The following NLRP6 variants were observed in gnomAD, a reference collection of about 807,000 sequenced individuals.
NLRP6 encodes the protein NACHT, LRR and PYD domains-containing protein 6.
In NLRP6, 55 loss-of-function variants were observed where a neutral mutation model predicts 70.9. The ratio of observed to expected loss-of-function variants is 0.78; its 90% CI spans 0.62 to 0.97. The LOEUF (loss-of-function observed/expected upper bound fraction) is 0.97. Ranked by LOEUF, NLRP6 falls within the 50% of genes least tolerant of loss-of-function variation. NLRP6 has a pLI of 0.00. For synonymous variants in NLRP6, 652 were observed against 581.9 expected, an observed-to-expected ratio of 1.12 and a Z score of -1.73; for missense variants, 1,241 against 1,238.3, an observed-to-expected ratio of 1.00 and a Z score of -0.03.
chr11:281,129 G>A lies in NLRP6; in HGVS notation c.1395G>A (p.Leu465=). Residue 465 remains leucine, a synonymous_variant, in exon 4 of 8, where the codon CTG becomes CTA. Coordinates refer to ENST00000534750, the MANE Select transcript of NLRP6 (RefSeq NM_001276700.2). Reference sequence around the variant, plus strand: ...GGGCGCAGTTTGCCGAGAAGGAACTGGAGCAACTGGAGCTTCGTGGCTCCA... The same window carrying A: ...GGGCGCAGTTTGCCGAGAAGGAACTAGAGCAACTGGAGCTTCGTGGCTCCA... ...GRRAQFAEKE[L]EQLELRGSKV... 3 of 1,612,998 alleles carry A rather than the reference G, an allele frequency of 1.9e-6. No individual in the cohort carries two copies. In the South Asian group the frequency reaches 3.3e-5, roughly 18 times the overall value.
intron 5 of NLRP6, among the ~76,000 whole-genome samples, chr11:283,815 C>G (rs1042965054): frequency 2.0e-5 from 3 of 151,652 alleles, no homozygotes; most frequent in Non-Finnish European, 4.4e-5. Context: ...AAAAGGTGAT[C>G]ACATTTGGCC....
Position 278,576 on chromosome 11 carries a change from C to T in NLRP6, c.7C>T (p.Gln3Ter), listed in dbSNP as rs765507848. 1 of 1,590,330 alleles carries T rather than the reference C, an allele frequency of 6.3e-7. No homozygotes were observed. MD[Q>*]PEAPCSSTGP... is the part of the protein sequence containing the mutation. ...CCAGGGAGGAAGAGACCCCATGGAC[C>T]AGCCAGAGGCCCCCTGCTCCAGGTG... The change falls in exon 1 of 8, where the codon CAG becomes TAG. Residue 3 changes from glutamine (Q) to a stop codon, truncating the protein, a stop_gained. Coordinates refer to ENST00000534750, the MANE Select transcript of NLRP6 (RefSeq NM_001276700.2). LOFTEE classifies it high-confidence loss of function. This position sits in a 1 kb window ranked among gnomAD's most constrained non-coding sequence, Gnocchi z 4.7.
Position 280,605 on chromosome 11 carries a change from G to C in NLRP6, c.871G>C (p.Glu291Gln). 6.9e-7 allele frequency: 1 copy of C among 1,446,524 alleles called. No homozygotes were observed. The highest frequency in any genetic ancestry group is 1.4e-5 in the South Asian group (1 of 69,230). The allele number at this position is 1,446,524 out of a possible 1,614,324, so 89.6% of individuals were successfully genotyped here. A position where few individuals can be genotyped will look rare whatever the true frequency, so the allele number is the denominator to read the frequency against. Residue 291 changes from glutamate (E) to glutamine (Q), a missense_variant, in exon 4 of 8, where the codon GAG becomes CAG. Glu to Gln is a conservative substitution (Grantham distance 29). Coordinates refer to ENST00000534750, the MANE Select transcript of NLRP6 (RefSeq NM_001276700.2). ...CGAGCTGCCGGCGCTGGGGGGCCCCGAGGCCGCGCCCTGCACAGACCCCTT... is the reference window on the plus strand; with the variant it reads ...CGAGCTGCCGGCGCTGGGGGGCCCCCAGGCCGCGCCCTGCACAGACCCCTT... ...ADELPALGGP[E>Q]AAPCTDPFEA...
In NLRP6 at chr11:280,509, G is replaced by A; in HGVS notation, c.775G>A (p.Asp259Asn). 1.3e-6 allele frequency: 2 copies of A among 1,574,652 alleles called. No individual in the cohort carries two copies. Among genetic ancestry groups the A allele is most frequent in the Non-Finnish European group, 8.5e-7 (1 of 1,171,250 alleles). Reference protein sequence around the residue: ...LADLILDQCPDRGAPVPQMLA... With the variant: ...LADLILDQCPNRGAPVPQMLA... ...TGACCTGATCCTGGACCAGTGCCCC[G>A]ACCGCGGCGCGCCGGTGCCGCAGAT... Residue 259 changes from aspartate (D) to asparagine (N), a missense_variant, in exon 4 of 8, where the codon GAC becomes AAC. By Grantham distance (23) the Asp-to-Asn change is conservative. Coordinates refer to ENST00000534750, the MANE Select transcript of NLRP6 (RefSeq NM_001276700.2).
In NLRP6 at chr11:280,296, C is replaced by A. The variant is rs897652584; in HGVS notation, c.562C>A (p.Arg188Ser). ...DTHTFNRLFR[R>S]DEEGRRPLTV... ...GCACACTTTCAACCGCCTCTTCCGC[C>A]GCGACGAGGAGGGCCGGCGGCCGCT... Residue 188 changes from arginine to serine, a missense_variant, in exon 4 of 8, where the codon CGC (arginine) becomes AGC (serine). By Grantham distance (110) the Arg-to-Ser change is moderately radical. Transcript: ENST00000534750. 1 of 1,502,432 alleles carries A rather than the reference C, an allele frequency of 6.7e-7. No homozygotes were observed. The highest frequency in any genetic ancestry group is 2.5e-5 in the East Asian group (1 of 39,222). 93.1% of individuals were successfully genotyped at this position (1,502,432 alleles called of 1,614,324 possible).
chr11:280,528 C>T lies in NLRP6; in HGVS notation c.794C>T (p.Pro265Leu). ...TGCCCCGACCGCGGCGCGCCGGTGCCGCAGATGCTGGCCCAGCCGCAGCGG... is the reference window on the plus strand; with the variant it reads ...TGCCCCGACCGCGGCGCGCCGGTGCTGCAGATGCTGGCCCAGCCGCAGCGG... Reference protein sequence around the residue: ...DQCPDRGAPVPQMLAQPQRLL... With the variant: ...DQCPDRGAPVLQMLAQPQRLL... Residue 265 changes from proline (P) to leucine (L), a missense_variant, in exon 4 of 8, where the codon CCG (proline) becomes CTG (leucine). Coordinates refer to ENST00000534750, the MANE Select transcript of NLRP6 (RefSeq NM_001276700.2). 1 of 1,563,072 alleles carries T rather than the reference C, an allele frequency of 6.4e-7. No individual in the cohort carries two copies. The highest frequency in any genetic ancestry group is 8.6e-7 in the Non-Finnish European group (1 of 1,166,478).
chr11:279,787 C>T, intron 2 of NLRP6, 47 bp from the exon 3 acceptor site: 1 of 1,567,654 alleles, frequency 6.4e-7, no homozygotes, highest in South Asian at 1.2e-5. Context: ...GTGGCGCCTT[C>T]CCCTGTTCCC....
rs752030144 is a variant in NLRP6, at chr11:281,101, G to C, written c.1367G>C (p.Arg456Pro). ...CTGGCCCGCGAGGGCGTCCTCGGAC[G>C]CAGGGCGCAGTTTGCCGAGAAGGAA... The part of the protein sequence containing the change: ...CRLAREGVLG[R>P]RAQFAEKELE... The change falls in exon 4 of 8, where the codon CGC becomes CCC. Residue 456 changes from arginine (R) to proline (P), a missense_variant. Arg to Pro is a moderately radical substitution (Grantham distance 103). Transcript: ENST00000534750. 1.2e-6 allele frequency: 2 copies of C among 1,612,686 alleles called. No homozygotes were observed. The highest frequency in any genetic ancestry group is 2.2e-5 in the South Asian group (2 of 91,066).
chr11:285,270 C>A lies in NLRP6; in HGVS notation c.2642C>A (p.Pro881Gln). 1 of 1,608,810 alleles carries A rather than the reference C, an allele frequency of 6.2e-7. No homozygotes were observed. The highest frequency in any genetic ancestry group is 2.2e-5 in the East Asian group (1 of 44,732). ...ACACACCCAGCGCTGGACGGCCACC[C>A]ACAACCTCCCAAGGAACTCATCTCG... Reference protein sequence around the residue: ...VITHPALDGHPQPPKELISTF With the variant: ...VITHPALDGHQQPPKELISTF Residue 881 changes from proline to glutamine, a missense_variant, in exon 8 of 8, where the codon CCA becomes CAA. Pro to Gln is a moderately conservative substitution (Grantham distance 76, BLOSUM62 -1). Coordinates refer to ENST00000534750, the MANE Select transcript of NLRP6 (RefSeq NM_001276700.2).
At chr11:282,493 CCTCA>C (rs1451721468) in intron 4 of NLRP6, among the ~76,000 whole-genome samples, 1 of 152,190 alleles carries the variant, frequency 6.6e-6, no homozygotes, top group Non-Finnish European at 1.5e-5. Flanking sequence ...GTCCCACTGA[CCTCA>C]CTCAGACACC....
chr11:278,638 G>T lies in NLRP6; in HGVS notation c.29+40G>T. On this transcript the variant is annotated intron_variant, in intron 1 of 7. Coordinates refer to ENST00000534750, the MANE Select transcript of NLRP6 (RefSeq NM_001276700.2). This position sits in a 1 kb window ranked among gnomAD's most constrained non-coding sequence, Gnocchi z 4.7. Reference sequence around the variant, plus strand: ...CAGGGTGGTCACTGGGAACCGGCTGGTCTCAGCCCTCTGGGGCCTCCACCT... The same window carrying T: ...CAGGGTGGTCACTGGGAACCGGCTGTTCTCAGCCCTCTGGGGCCTCCACCT... 1 of 1,546,606 alleles carries T rather than the reference G, an allele frequency of 6.5e-7. No homozygotes were observed. The highest frequency in any genetic ancestry group is 8.7e-7 in the Non-Finnish European group (1 of 1,144,836).
At chr11:283,653 C>G (rs569316868) in intron 5 of NLRP6, among the ~76,000 whole-genome samples, 2 of 152,214 alleles carry the variant, frequency 1.3e-5, no homozygotes, top group South Asian at 4.1e-4. Flanking sequence ...GCCAGTCACT[C>G]TTAGCTACCA....
Position 280,728 on chromosome 11 carries a change from G to A in NLRP6, c.994G>A (p.Gly332Arg), listed in dbSNP as rs1404008236. 1.3e-6 allele frequency: 2 copies of A among 1,583,576 alleles called. No individual in the cohort carries two copies. Among genetic ancestry groups the A allele is most frequent in the African/African-American group, 1.4e-5 (1 of 73,916 alleles). Residue 332 changes from glycine (G) to arginine (R), a missense_variant, in exon 4 of 8, where the codon GGG becomes AGG. Transcript: ENST00000534750. ...LLVTTRAAAP[G>R]RLQGRLCSPQ... is the part of the protein sequence containing the mutation. ...GGTGACCACGCGCGCCGCCGCCCCC[G>A]GGAGGCTGCAGGGCCGCCTGTGTTC...
In NLRP6 at chr11:284,573, T is replaced by C. The variant is rs1162666715; in HGVS notation, c.2468T>C (p.Leu823Pro). The C allele has an allele frequency of 6.2e-7, 1 of 1,612,402 alleles. No individual in the cohort carries two copies. Among genetic ancestry groups the C allele is most frequent in the East Asian group, 2.2e-5 (1 of 44,874 alleles). Residue 823 changes from leucine (L) to proline (P), a missense_variant, in exon 7 of 8, where the codon CTG becomes CCG. Coordinates refer to ENST00000534750, the MANE Select transcript of NLRP6 (RefSeq NM_001276700.2). ...LTTLDLSGCQ[L>P]PAPMVTYLCA... ...ACCCTGGATCTCAGCGGCTGCCAAC[T>C]GCCCGCCCCCATGGTGACCTACCTG...
Position 281,354 on chromosome 11 carries a change from G to A in NLRP6, c.1620G>A (p.Leu540=), listed in dbSNP as rs1171436311. The A allele has an allele frequency of 1.2e-6, 2 of 1,611,112 alleles. No individual in the cohort carries two copies. The highest frequency in any genetic ancestry group is 1.7e-6 in the Non-Finnish European group (2 of 1,179,282). Residue 540 remains leucine (L), a synonymous_variant, in exon 4 of 8, where the codon TTG becomes TTA. Coordinates refer to ENST00000534750, the MANE Select transcript of NLRP6 (RefSeq NM_001276700.2). ...GGGACGCCCAGCCGCACAGCCACTT[G>A]GTGCTCACCACGCGCTTCCTCTTCG... ...LRGDAQPHSH[L]VLTTRFLFGL...
In NLRP6 at chr11:281,713, G is replaced by T; in HGVS notation, c.1979G>T (p.Ser660Ile). The change falls in exon 4 of 8, where the codon AGC (serine) becomes ATC (isoleucine). Residue 660 changes from serine to isoleucine, a missense_variant. By Grantham distance (142) the Ser-to-Ile change is moderately radical. Coordinates refer to ENST00000534750, the MANE Select transcript of NLRP6 (RefSeq NM_001276700.2). Reference protein sequence around the residue: ...RFCRMDVAVLSYCVRCCPAGQ... With the variant: ...RFCRMDVAVLIYCVRCCPAGQ... ...TGCCGCATGGACGTGGCTGTTCTGA[G>T]CTACTGCGTGAGGTGCTGCCCTGCT... is the stretch of plus-strand genomic sequence containing the variant. The T allele has an allele frequency of 3.7e-6, 6 of 1,613,398 alleles. No homozygotes were observed. Among genetic ancestry groups the T allele is most frequent in the Non-Finnish European group, 5.1e-6 (6 of 1,180,038 alleles).
Position 284,291 on chromosome 11 carries a change from G to GC in NLRP6, c.2265dup (p.Ala756ArgfsTer14), listed in dbSNP as rs1380378777. 1.9e-6 allele frequency: 3 copies of GC among 1,612,702 alleles called. No homozygotes were observed. The highest frequency in any genetic ancestry group is 8.5e-7 in the Non-Finnish European group (1 of 1,179,912). On this transcript the variant is annotated frameshift_variant, in exon 6 of 8. Transcript: ENST00000534750. LOFTEE classifies it high-confidence loss of function. ...AGACCTTTCTGAGGCCCTGAGGGCA[G>GC]CCCCCGCACTGACGGAGCTGGGCCT...
rs2134007165 is a variant in NLRP6, at chr11:280,106, G to A, written c.372G>A (p.Glu124=). Residue 124 remains glutamate (E), a synonymous_variant, in exon 4 of 8, where the codon GAG becomes GAA. Transcript: ENST00000534750. The part of the protein sequence containing the change: ...SVSEYKKKYR[E]HVLQLHARVK... ...CAGAGTACAAGAAGAAGTACCGGGA[G>A]CACGTGCTGCAGCTGCACGCTCGGG... The A allele has an allele frequency of 6.6e-7, 1 of 1,522,588 alleles. No homozygotes were observed. The highest frequency in any genetic ancestry group is 8.8e-7 in the Non-Finnish European group (1 of 1,136,264). The allele number at this position is 1,522,588 out of a possible 1,614,324, so 94.3% of individuals were successfully genotyped here.
chr11:280,083 G>A lies in NLRP6; in HGVS notation c.350-1G>A, dbSNP rs1197226933. On this transcript the variant is annotated splice_acceptor_variant, in intron 3 of 7. Coordinates refer to ENST00000534750, the MANE Select transcript of NLRP6 (RefSeq NM_001276700.2). LOFTEE classifies it high-confidence loss of function. Reference sequence around the variant, plus strand: ...CCCGCGCTGTCTCCCGCTGCGCCCAGAGTACAAGAAGAAGTACCGGGAGCA... The same window carrying A: ...CCCGCGCTGTCTCCCGCTGCGCCCAAAGTACAAGAAGAAGTACCGGGAGCA... 1 of 1,484,188 alleles carries A rather than the reference G, an allele frequency of 6.7e-7. No individual in the cohort carries two copies. The highest frequency in any genetic ancestry group is 2.6e-5 in the Admixed American group (1 of 39,086). The allele number at this position is 1,484,188 out of a possible 1,614,324, so 91.9% of individuals were successfully genotyped here.
Sources: allele counts gnomAD v4.1 joint callset (sites outside exome capture counted in the v4.1 genomes callset), GRCh38; gene constraint gnomAD v4.1.1; non-coding constraint Gnocchi (gnomAD v3.1); transcripts MANE v1.5; gene names NCBI Gene and HGNC (gene_info 2026-07-23, HGNC 2026-07-21).